The following VLDLR variants were observed in gnomAD, a reference collection of about 807,000 sequenced individuals.
The protein encoded by VLDLR is very low-density lipoprotein receptor.
Under a neutral mutation model 112.7 loss-of-function variants are expected in VLDLR, and 81 were observed. The observed-to-expected ratio is 0.72, with a 90% CI of 0.60 to 0.86. The LOEUF is 0.86. VLDLR is among the 40% of genes least tolerant of loss of function. VLDLR has a pLI of 0.00. For synonymous variants in VLDLR, 436 were observed against 384.8 expected (o/e 1.13, Z -1.56); for missense variants, 1,237 against 1,099.4 (o/e 1.13, Z -1.77).
intron 14 of VLDLR, among the ~76,000 whole-genome samples, chr9:2,649,968 A>G (rs1818248171): frequency 6.6e-6 from 1 of 152,164 alleles, no homozygotes; most frequent in African/African-American, 2.4e-5. Context: ...AACCTTCCTA[A>G]GGCTGAGTTT....
intron 1 of VLDLR, among the ~76,000 whole-genome samples, chr9:2,622,861 C>A (rs964369910): frequency 6.6e-6 from 1 of 152,130 alleles, no homozygotes; most frequent in Admixed American, 6.5e-5. Context: ...GACTGCGACT[C>A]CCCCGGCGCG....
chr9:2,646,903 G>A (rs1818104176), intron 11 of VLDLR, among the ~76,000 whole-genome samples: 1 of 152,180 alleles, frequency 6.6e-6, no homozygotes, highest in Non-Finnish European at 1.5e-5. Flanking sequence ...TGCTGGGCTA[G>A]CTCTGGATGA....
rs71329437 is a variant in VLDLR at position 2,622,146 on chromosome 9, A to ACGG, written c.-21_-19dup. ...ACTGGTAACTTGTCGTGCGGAGCGA[A>ACGG]CGGCGGCGGCGGCGGCGGCGGCGGC... On this transcript the variant is annotated 5_prime_UTR_variant, in exon 1 of 19. Transcript: ENST00000382100. The ACGG allele has an allele frequency of 0.29, 399,680 of 1,385,336 alleles. 43,087 individuals are homozygous for ACGG. Among genetic ancestry groups the ACGG allele is most frequent in the South Asian group, 0.34 (23,847 of 69,418 alleles). 85.8% of individuals were successfully genotyped at this position (1,385,336 alleles called of 1,614,324 possible). A position where few individuals can be genotyped will look rare whatever the true frequency, so the allele number is the denominator to read the frequency against.
At chr9:2,636,385 A>G (rs1470880164) in intron 2 of VLDLR, among the ~76,000 whole-genome samples, 1 of 152,258 alleles carries the variant, frequency 6.6e-6, no homozygotes, top group Admixed American at 6.5e-5. Context: ...GATGTTCACT[A>G]TACAAGGTAG....
intron 1 of VLDLR, among the ~76,000 whole-genome samples, chr9:2,635,041 T>A (rs1216229145): frequency 6.6e-6 from 1 of 152,186 alleles, no homozygotes. Flanking sequence ...GGATTCCTTC[T>A]ATTTTCGTCT....
intron 1 of VLDLR, among the ~76,000 whole-genome samples, chr9:2,627,979 CCAGT>C (rs1257147927): frequency 1.3e-5 from 2 of 152,056 alleles, no homozygotes; most frequent in African/African-American, 4.8e-5. Flanking sequence ...AGTAAAACAA[CCAGT>C]CACACTTGGT....
At chr9:2,625,994 CTT>C (rs1229962231) in intron 1 of VLDLR, among the ~76,000 whole-genome samples, 1 of 152,214 alleles carries the variant, frequency 6.6e-6, no homozygotes, top group African/African-American at 2.4e-5. Context: ...ATCAGTGTCT[CTT>C]TGCTAAGTTC....
chr9:2,648,065 C>T (rs1818151455), intron 12 of VLDLR, 143 bp from the exon 13 acceptor site: 6 of 1,124,778 alleles, frequency 5.3e-6, no homozygotes, highest in Non-Finnish European at 7.7e-6. Context: ...CTGCATGCTG[C>T]TTCGCAAGGT....
In VLDLR at chr9:2,655,771, G is replaced by A. The variant is rs1818577644; in HGVS notation, c.*1903G>A. ...AGGCTGTAGTCATGAATATAGAACTGTCTGCTCTCCACCTTTTCCTCACTC... is the reference window on the plus strand; with the variant it reads ...AGGCTGTAGTCATGAATATAGAACTATCTGCTCTCCACCTTTTCCTCACTC... On this transcript the variant is annotated 3_prime_UTR_variant, in exon 19 of 19. Transcript: ENST00000382100. 6.6e-6 allele frequency: 1 copy of A among 152,118 alleles called. No homozygotes were observed. Among genetic ancestry groups the A allele is most frequent in the African/African-American group, 2.4e-5 (1 of 41,440 alleles). The allele number at this position is 152,118 out of a possible 1,614,324, so 9.4% of individuals were successfully genotyped here. A position where few individuals can be genotyped will look rare whatever the true frequency, so the allele number is the denominator to read the frequency against.
chr9:2,632,388 A>G (rs748737792), intron 1 of VLDLR, among the ~76,000 whole-genome samples: 1 of 152,202 alleles, frequency 6.6e-6, no homozygotes, highest in Non-Finnish European at 1.5e-5. Context: ...CTGAGCAGAA[A>G]TGCCTAGCAC....
chr9:2,647,340 AC>A lies in VLDLR; in HGVS notation c.1704-131del. 4.2e-6 allele frequency: 3 copies of A among 722,134 alleles called. No individual in the cohort carries two copies. The South Asian group carries it at 4.5e-5, about 11-fold the overall frequency. The allele number at this position is 722,134 out of a possible 1,614,324, so 44.7% of individuals were successfully genotyped here. ...TTTATTTACCTAGAACATAATTTAGACCCTTAAGTGTTACTATTTGTCACTA... is the reference window on the plus strand; with the variant it reads ...TTTATTTACCTAGAACATAATTTAGACCTTAAGTGTTACTATTTGTCACTA... On this transcript the variant is annotated intron_variant, in intron 11 of 18. Coordinates refer to ENST00000382100, the MANE Select transcript of VLDLR (RefSeq NM_003383.5).
intron 4 of VLDLR, among the ~76,000 whole-genome samples, chr9:2,641,892 G>C (rs1817846173): frequency 6.6e-6 from 1 of 151,258 alleles, no homozygotes; most frequent in South Asian, 2.1e-4. Flanking sequence ...ATTTGATTGG[G>C]TTATTGGAAT....
intron 2 of VLDLR, among the ~76,000 whole-genome samples, chr9:2,639,579 C>T (rs1327877533): frequency 1.3e-5 from 2 of 152,160 alleles, no homozygotes; most frequent in East Asian, 3.8e-4. Flanking sequence ...ATAAAACAGG[C>T]AGGAAGTTAA....
chr9:2,642,393 T>C (rs937913245), intron 4 of VLDLR, among the ~76,000 whole-genome samples: 20 of 152,308 alleles, frequency 1.3e-4, no homozygotes, highest in African/African-American at 4.8e-4. Context: ...AGTTTTAGTG[T>C]TCAATCCTAG....
intron 1 of VLDLR, among the ~76,000 whole-genome samples, chr9:2,630,083 C>T (rs761402120): frequency 9.9e-5 from 15 of 152,272 alleles, no homozygotes; most frequent in East Asian, 1.9e-4. Context: ...CATGAGCCAC[C>T]GTGCCTGGCC....
rs775997048 is a variant in VLDLR at position 2,650,481 on chromosome 9, G to T, written c.2216G>T (p.Gly739Val). The stretch of plus-strand genomic sequence containing the variant: ...AAATATACCTGTTCCTGTCCCAGTG[G>T]GTACAATGTAGAGGAAAATGGCCGA... Reference protein sequence around the residue: ...SPKYTCSCPSGYNVEENGRDC... With the variant: ...SPKYTCSCPSVYNVEENGRDC... The change falls in exon 15 of 19, where the codon GGG becomes GTG. Residue 739 changes from glycine (G) to valine (V), a missense_variant. Coordinates refer to ENST00000382100, the MANE Select transcript of VLDLR (RefSeq NM_003383.5). The T allele has an allele frequency of 6.2e-7, 1 of 1,613,914 alleles. No homozygotes were observed. The highest frequency in any genetic ancestry group is 8.5e-7 in the Non-Finnish European group (1 of 1,179,996).
At position 2,657,717 on chromosome 9, in the gene VLDLR, G is replaced by C. The variant is rs974268590; in HGVS notation, c.*3849G>C. On this transcript the variant is annotated 3_prime_UTR_variant, in exon 19 of 19. Coordinates refer to ENST00000382100, the MANE Select transcript of VLDLR (RefSeq NM_003383.5). ...GTGTGCACACTTAGCCCTGGTTGAG[G>C]TGCATTGTCTGCTGTCGTCTGTTAA... The C allele has an allele frequency of 2.6e-5, 4 of 152,216 alleles. No homozygotes were observed. Among genetic ancestry groups the C allele is most frequent in the Admixed American group, 6.5e-5 (1 of 15,268 alleles). 9.4% of individuals were successfully genotyped at this position (152,216 alleles called of 1,614,324 possible).
At chr9:2,649,702 G>C (rs945858893) in intron 14 of VLDLR, among the ~76,000 whole-genome samples, 1 of 152,122 alleles carries the variant, frequency 6.6e-6, no homozygotes, top group Admixed American at 6.6e-5. Flanking sequence ...TATTGGATTA[G>C]AGCCCACCTT....
chr9:2,647,502 C>G lies in VLDLR; in HGVS notation c.1732C>G (p.Pro578Ala). 6.2e-7 allele frequency: 1 copy of G among 1,614,040 alleles called. No homozygotes were observed. The highest frequency in any genetic ancestry group is 8.5e-7 in the Non-Finnish European group (1 of 1,179,962). Reference protein sequence around the residue: ...GFVYWSDWGEPAKIEKAGMNG... With the variant: ...GFVYWSDWGEAAKIEKAGMNG... ...TGTTTACTGGTCAGACTGGGGTGAA[C>G]CAGCTAAAATAGAAAAAGCAGGAAT... is the stretch of plus-strand genomic sequence containing the variant. Residue 578 changes from proline to alanine, a missense_variant, in exon 12 of 19, where the codon CCA becomes GCA. Pro to Ala is a conservative substitution (Grantham distance 27). Coordinates refer to ENST00000382100, the MANE Select transcript of VLDLR (RefSeq NM_003383.5).
Sources: allele counts gnomAD v4.1 joint callset (sites outside exome capture counted in the v4.1 genomes callset), GRCh38; gene constraint gnomAD v4.1.1; transcripts MANE v1.5; gene names NCBI Gene and HGNC (gene_info 2026-07-23, HGNC 2026-07-21).